DOCK2: variants seen among roughly 807,000 people sequenced by gnomAD.
DOCK2 encodes dedicator of cytokinesis 2, also known as dedicator of cytokinesis protein 2.
Under a neutral mutation model 248.9 loss-of-function variants are expected in DOCK2, and 87 were observed. That is an observed-to-expected ratio of 0.35 (90% CI 0.29 to 0.42). DOCK2 has a LOEUF of 0.42. Ranked by LOEUF, DOCK2 falls within the 10% of genes least tolerant of loss-of-function variation. The pLI is 1.00. For missense variants in DOCK2, 1,747 were observed against 2,300.2 expected, an observed-to-expected ratio of 0.76 and a Z score of 4.92; for synonymous variants, 805 against 821.6, an observed-to-expected ratio of 0.98 and a Z score of 0.35.
At chr5:169,888,877 G>A (rs905347709) in intron 27 of DOCK2, among the ~76,000 whole-genome samples, 1 of 152,198 alleles carries the variant, frequency 6.6e-6, no homozygotes, top group African/African-American at 2.4e-5. Context: ...ATAGTAAACT[G>A]TAGGTGCATT....
rs377586258 is a variant in DOCK2 at position 169,906,625 on chromosome 5, G to C, written c.2799+65773G>C. On this transcript the variant is annotated intron_variant, in intron 27 of 51. Coordinates refer to ENST00000520908, the MANE Select transcript of DOCK2 (RefSeq NM_004946.3). ...GGGGTTACGGGTATGAGCCACCCAT[G>C]CCTGGCCAAAACTGAGTTTTGCTGT... Among the ~76,000 whole-genome samples the C allele has an allele frequency of 3.7e-3, 561 of 152,222 alleles. 34 individuals are homozygous for C. The South Asian group carries it at 0.11, about 29-fold the overall frequency.
chr5:169,785,885 A>C (rs1351362380), intron 25 of DOCK2, among the ~76,000 whole-genome samples: 1 of 152,182 alleles, frequency 6.6e-6, no homozygotes, highest in Admixed American at 6.5e-5. Flanking sequence ...GTGACAAAAA[A>C]AAGAAGGCGG....
intron 27 of DOCK2, among the ~76,000 whole-genome samples, chr5:169,981,756 G>T (rs1231732108): frequency 3.3e-5 from 5 of 152,076 alleles, no homozygotes; most frequent in African/African-American, 9.7e-5. Flanking sequence ...AGGCTCAGAT[G>T]ATCATTAGAG....
rs1205348777 is a variant in DOCK2, at chr5:169,692,853, T to C, written c.844-2950T>C. Among the ~76,000 whole-genome samples, 2 of 152,236 alleles carry C rather than the reference T, an allele frequency of 1.3e-5. 1 individual carries two copies. The highest frequency in any genetic ancestry group is 2.9e-5 in the Non-Finnish European group (2 of 68,050). On this transcript the variant is annotated intron_variant, in intron 9 of 51. Coordinates refer to ENST00000520908, the MANE Select transcript of DOCK2 (RefSeq NM_004946.3). ...TGAGTCTTCACCGTGGTCTTCTCTC[T>C]GTGTTTGTCTGTGCCCTGATATCTT...
intron 2 of DOCK2, among the ~76,000 whole-genome samples, chr5:169,660,405 T>G (rs1344425171): frequency 6.6e-6 from 1 of 152,202 alleles, no homozygotes; most frequent in African/African-American, 2.4e-5. Flanking sequence ...CATCCTCTGC[T>G]TTGAAAAAAT....
intron 22 of DOCK2, among the ~76,000 whole-genome samples, chr5:169,745,201 C>G (rs1561657295): frequency 6.6e-6 from 1 of 152,300 alleles, no homozygotes; most frequent in East Asian, 1.9e-4. Context: ...CTGACCACCA[C>G]CATGCTGGAT....
intron 29 of DOCK2, 67 bp downstream of exon 29, chr5:169,985,989 G>A (rs966520984): frequency 1.9e-5 from 26 of 1,377,968 alleles, no homozygotes; most frequent in Middle Eastern, 3.7e-4. Context: ...ACTTATTTTG[G>A]GTTAAATTAG....
chr5:170,015,780 GCCTC>G (rs1424992097), intron 32 of DOCK2, among the ~76,000 whole-genome samples: 19 of 151,268 alleles, frequency 1.3e-4, no homozygotes, highest in Admixed American at 4.0e-4. Flanking sequence ...GTTCACAAAA[GCCTC>G]CCTCCCTCCC....
At chr5:169,977,662 A>G (rs1016590457) in intron 27 of DOCK2, among the ~76,000 whole-genome samples, 1 of 152,166 alleles carries the variant, frequency 6.6e-6, no homozygotes, top group Non-Finnish European at 1.5e-5. Context: ...GCAGAACCAG[A>G]TGTAAGCTCT....
chr5:169,800,944 C>CTTTTTTTTTTTTTTTTTTTTTTTT (rs60140740), intron 25 of DOCK2, among the ~76,000 whole-genome samples: 9 of 53,186 alleles, frequency 1.7e-4, no homozygotes, highest in South Asian at 7.3e-4. Context: ...TTCTTTCTTT[C>CTTTTTTTTTTTTTTTTTTTTTTTT]TTTTTTTTTT....
At chr5:169,888,588 C>T (rs1742229845) in intron 27 of DOCK2, among the ~76,000 whole-genome samples, 1 of 152,096 alleles carries the variant, frequency 6.6e-6, no homozygotes. Context: ...GAATTCCTGC[C>T]CAGTCCTCTT....
intron 36 of DOCK2, among the ~76,000 whole-genome samples, chr5:170,036,970 C>T (rs188801977): frequency 1.3e-5 from 2 of 152,194 alleles, no homozygotes; most frequent in East Asian, 1.9e-4. Flanking sequence ...ATGATATCTG[C>T]ATCCTTGTAG....
At chr5:170,038,331 G>A (rs1756391595) in intron 36 of DOCK2, among the ~76,000 whole-genome samples, 1 of 152,142 alleles carries the variant, frequency 6.6e-6, no homozygotes, top group Non-Finnish European at 1.5e-5. Flanking sequence ...CACAAGCTTT[G>A]GAGATTTGAG....
chr5:170,082,330 G>C (rs1228412446), intron 51 of DOCK2, among the ~76,000 whole-genome samples: 1 of 152,150 alleles, frequency 6.6e-6, no homozygotes, highest in African/African-American at 2.4e-5. Context: ...TTGAACATTA[G>C]TTTCCAAGCG....
chr5:169,942,472 G>T (rs187033054), intron 27 of DOCK2, among the ~76,000 whole-genome samples: 1 of 152,166 alleles, frequency 6.6e-6, no homozygotes, highest in Non-Finnish European at 1.5e-5. Context: ...TGTTCAAGTG[G>T]GTTGTCTTGA....
chr5:169,910,982 T>A (rs1317395217), intron 27 of DOCK2, among the ~76,000 whole-genome samples: 1 of 152,122 alleles, frequency 6.6e-6, no homozygotes, highest in African/African-American at 2.4e-5. Context: ...GTGAGAATAA[T>A]AAGTGAAACC....
intron 27 of DOCK2, among the ~76,000 whole-genome samples, chr5:169,915,374 T>A (rs916797932): frequency 5.3e-5 from 8 of 152,274 alleles, no homozygotes; most frequent in Admixed American, 3.3e-4. Flanking sequence ...AGGCTTATTG[T>A]GTTTGTCTAT....
chr5:169,810,407 G>A (rs779310760), intron 26 of DOCK2, among the ~76,000 whole-genome samples: 9 of 152,136 alleles, frequency 5.9e-5, no homozygotes, highest in Non-Finnish European at 1.2e-4. Context: ...GTATCAAATT[G>A]ATTTTAGTGT....
rs530176536 is a variant in DOCK2, at chr5:170,022,622, C to G, written c.3381+3514C>G. On this transcript the variant is annotated intron_variant, in intron 33 of 51. Transcript: ENST00000520908. ...TTCAGCAAGAGGGCCTTAGGTGGAC[C>G]CCATTGTGGCCGGCTTGGCCAGGAC... 2.2e-4 allele frequency among the ~76,000 whole-genome samples: 33 copies of G among 152,132 alleles called. 1 individual carries two copies. The highest frequency in any genetic ancestry group is 4.1e-4 in the Non-Finnish European group (28 of 67,986).
Sources: gnomAD v4.1 joint callset for allele counts (sites outside exome capture counted in the v4.1 genomes callset) on GRCh38, gnomAD v4.1.1 for gene constraint, MANE v1.5 for transcripts, NCBI Gene and HGNC (gene_info 2026-07-23, HGNC 2026-07-21) for gene names.